RBFOX1: variants seen among roughly 807,000 people sequenced by gnomAD.
The protein encoded by RBFOX1 is RNA binding protein fox-1 homolog 1.
A neutral mutation model predicts 57.7 loss-of-function variants in RBFOX1; 8 were observed. The observed-to-expected ratio is 0.14, with a 90% CI of 0.08 to 0.25. The LOEUF is 0.25. Ranked by LOEUF, RBFOX1 falls within the 10% of genes least tolerant of loss-of-function variation. The pLI, the probability that RBFOX1 is intolerant of heterozygous loss-of-function variation, is 1.00. For missense variants in RBFOX1, 611 were observed against 548.5 expected (o/e 1.11, Z -1.14); for synonymous variants, 326 against 222.4 (o/e 1.47, Z -4.15).
intron 3 of RBFOX1, among the ~76,000 whole-genome samples, chr16:5,836,148 C>T (rs895541286): frequency 7.9e-5 from 12 of 152,304 alleles, no homozygotes; most frequent in Admixed American, 2.0e-4. Context: ...AGGGCAGCTC[C>T]GTCTGCTGCT....
intron 1 of RBFOX1, among the ~76,000 whole-genome samples, chr16:5,347,420 T>C (rs1386908820): frequency 2.6e-5 from 4 of 152,160 alleles, no homozygotes; most frequent in African/African-American, 9.7e-5. Context: ...TCAGGTGGTG[T>C]ACAAGATGCC....
chr16:7,348,315 T>A (rs887038480), intron 4 of RBFOX1, among the ~76,000 whole-genome samples: 1 of 152,220 alleles, frequency 6.6e-6, no homozygotes, highest in Non-Finnish European at 1.5e-5. Flanking sequence ...TCTTATCTAC[T>A]CTCATCGTAT....
At chr16:5,473,352 C>G (rs1397500808) in intron 2 of RBFOX1, among the ~76,000 whole-genome samples, 1 of 152,162 alleles carries the variant, frequency 6.6e-6, no homozygotes, top group East Asian at 1.9e-4. Context: ...TGTGATGTCT[C>G]ATTGCTTATC....
intron 5 of RBFOX1, among the ~76,000 whole-genome samples, chr16:7,545,058 G>C (rs1171551632): frequency 6.6e-6 from 1 of 152,210 alleles, no homozygotes; most frequent in East Asian, 1.9e-4. Context: ...TGTCTACTAA[G>C]AGCAAGCATG....
At chr16:5,605,618 C>G (rs935764367) in intron 3 of RBFOX1, among the ~76,000 whole-genome samples, 4 of 149,814 alleles carry the variant, frequency 2.7e-5, no homozygotes, top group African/African-American at 4.9e-5. Flanking sequence ...TGCCTTGGGT[C>G]TAGGAGGGGA....
intron 4 of RBFOX1, among the ~76,000 whole-genome samples, chr16:7,194,178 T>C (rs2152666927): frequency 6.6e-6 from 1 of 152,354 alleles, no homozygotes; most frequent in South Asian, 2.1e-4. Context: ...TCTAATACTT[T>C]GTGATCTCTG....
chr16:7,370,556 G>A (rs1213678325), intron 4 of RBFOX1, among the ~76,000 whole-genome samples: 1 of 152,064 alleles, frequency 6.6e-6, no homozygotes, highest in South Asian at 2.1e-4. Context: ...TCCTCTAAAG[G>A]GCATGCTTGA....
intron 4 of RBFOX1, among the ~76,000 whole-genome samples, chr16:7,174,295 C>G (rs2081252168): frequency 6.6e-6 from 1 of 152,040 alleles, no homozygotes; most frequent in Admixed American, 6.6e-5. Flanking sequence ...GGATGGACCA[C>G]ATTTTGTTTA....
intron 4 of RBFOX1, among the ~76,000 whole-genome samples, chr16:7,279,443 G>A (rs1000624537): frequency 1.3e-5 from 2 of 152,132 alleles, no homozygotes; most frequent in South Asian, 4.1e-4. Flanking sequence ...TATTCAGCCG[G>A]CATTTACTGA....
chr16:5,604,393 T>A (rs79640263), downstream of RBFOX1, among the ~76,000 whole-genome samples: 5,665 of 152,252 alleles, frequency 0.037, 250 homozygotes, highest in African/African-American at 0.11. Context: ...CTTTGCAATC[T>A]CACTGGTTGT....
chr16:7,479,716 G>C (rs542137899), intron 4 of RBFOX1, among the ~76,000 whole-genome samples: 122 of 152,112 alleles, frequency 8.0e-4, no homozygotes, highest in African/African-American at 2.8e-3. Flanking sequence ...GGCACCTGGA[G>C]GGGGGGCAGG....
At chr16:5,817,287 A>C (rs1040786763) in intron 3 of RBFOX1, among the ~76,000 whole-genome samples, 95 of 152,276 alleles carry the variant, frequency 6.2e-4, no homozygotes, top group African/African-American at 2.2e-3. Flanking sequence ...TTTGAAATCC[A>C]TATTCTTCTC....
At chr16:6,778,105 G>A (rs887127215) in intron 3 of RBFOX1, among the ~76,000 whole-genome samples, 7 of 151,994 alleles carry the variant, frequency 4.6e-5, no homozygotes, top group African/African-American at 7.2e-5. Context: ...GCACTGTTGC[G>A]AATACATGAT....
At chr16:5,377,688 G>A (rs2066022429) in intron 1 of RBFOX1, among the ~76,000 whole-genome samples, 1 of 151,430 alleles carries the variant, frequency 6.6e-6, no homozygotes, top group Non-Finnish European at 1.5e-5. Flanking sequence ...CGGACCTAGA[G>A]GTCCCAGGGG....
chr16:7,333,110 C>A, intron 4 of RBFOX1: 1 of 1,603,260 alleles, frequency 6.2e-7, no homozygotes, highest in Non-Finnish European at 8.5e-7. Flanking sequence ...CCTCTGCCAG[C>A]CAGCAACTTA....
chr16:5,844,550 T>A (rs769173273), intron 3 of RBFOX1, among the ~76,000 whole-genome samples: 1 of 152,188 alleles, frequency 6.6e-6, no homozygotes, highest in East Asian at 1.9e-4. Flanking sequence ...TGGCAAAGAT[T>A]CCTTCACTAA....
intron 3 of RBFOX1, among the ~76,000 whole-genome samples, chr16:6,874,585 A>G (rs2061507281): frequency 6.6e-6 from 1 of 151,074 alleles, no homozygotes; most frequent in Non-Finnish European, 1.5e-5. Context: ...AGAGGCCGTT[A>G]TTGTAAGTGA....
At chr16:6,899,112 C>T (rs944864687) in intron 3 of RBFOX1, among the ~76,000 whole-genome samples, 17 of 150,006 alleles carry the variant, frequency 1.1e-4, no homozygotes, top group East Asian at 3.9e-4. Context: ...TCTGTGTATA[C>T]GTGTTTATGC....
chr16:6,235,386 C>G (rs2097498038), intron 1 of RBFOX1, among the ~76,000 whole-genome samples: 1 of 152,238 alleles, frequency 6.6e-6, no homozygotes, highest in Middle Eastern at 3.4e-3. Flanking sequence ...GTCTGTCTGT[C>G]TGTGTGCCAT....
Sources: gnomAD v4.1 joint callset for allele counts (sites outside exome capture counted in the v4.1 genomes callset) on GRCh38, gnomAD v4.1.1 for gene constraint, MANE v1.5 for transcripts, NCBI Gene and HGNC (gene_info 2026-07-23, HGNC 2026-07-21) for gene names.